Variants in GPM6B observed in about 807,000 individuals in gnomAD.
GPM6B encodes neuronal membrane glycoprotein M6-b.
GPM6B carries 4 observed loss-of-function variants against 27.2 expected under a neutral mutation model. That is an observed-to-expected ratio of 0.15 (90% CI 0.07 to 0.34). GPM6B has a LOEUF of 0.34. Ranked by LOEUF, GPM6B falls within the 10% of genes least tolerant of loss-of-function variation. GPM6B has a pLI of 1.00. For missense variants in GPM6B, 183 were observed against 261.9 expected (o/e 0.70, Z 2.08); for synonymous variants, 124 against 103.1 (o/e 1.20, Z -1.23).
chrX:13,930,613 C>CAA (rs143684071), intron 1 of GPM6B, among the ~76,000 whole-genome samples: 78 of 78,692 alleles, frequency 9.9e-4, no homozygotes, highest in Admixed American at 3.8e-3. Flanking sequence ...GACTCCGTCT[C>CAA]AAAAAAAAAA....
chrX:13,774,299 G>T, intron 7 of GPM6B: 1 of 919,929 alleles, frequency 1.1e-6, no homozygotes, highest in Non-Finnish European at 1.4e-6. Context: ...ATTTTAAAAA[G>T]GATGCTCACC....
At chrX:13,773,541 A>T (rs2048343247) in intron 7 of GPM6B, 2 of 111,955 alleles carry the variant, frequency 1.8e-5, no homozygotes, top group African/African-American at 6.5e-5. Context: ...CAAAACCAAA[A>T]TTAAGAACTA....
intron 1 of GPM6B, among the ~76,000 whole-genome samples, chrX:13,831,883 G>A (rs936093012): frequency 3.6e-5 from 4 of 110,933 alleles, no homozygotes; most frequent in African/African-American, 1.3e-4. Flanking sequence ...GCTTGGAGAT[G>A]TATTTTAGAA....
rs781734402 is a variant in GPM6B, at chrX:13,849,541, T to C, written c.-197-63733A>G. ...ATAATCAGCTCCAGGCTGGATACCA[T>C]TGATTACTCTGGATTACACTAACAG... is the stretch of plus-strand genomic sequence containing the variant. On this transcript the variant is annotated intron_variant, in intron 1 of 6. Transcript: ENST00000398361. Among the ~76,000 whole-genome samples the C allele has an allele frequency of 4.4e-5, 5 of 112,567 alleles. No homozygotes were observed. The South Asian group carries it at 1.5e-3, about 33-fold the overall frequency.
intron 1 of GPM6B, among the ~76,000 whole-genome samples, chrX:13,907,576 A>G (rs1269742019): frequency 9.0e-6 from 1 of 111,309 alleles, no homozygotes; most frequent in East Asian, 2.8e-4. Flanking sequence ...CCAGTGAGGC[A>G]GGAGAATCAC....
At chrX:13,809,952 GAAAAA>G (rs113730315) in intron 1 of GPM6B, among the ~76,000 whole-genome samples, 1 of 80,234 alleles carries the variant, frequency 1.2e-5, no homozygotes, top group Non-Finnish European at 2.3e-5. Context: ...TCCATCTCAG[GAAAAA>G]AAAAAAAAAA....
At chrX:13,844,362 T>C (rs6633386) in intron 1 of GPM6B, among the ~76,000 whole-genome samples, 5,892 of 112,146 alleles carry the variant, frequency 0.053, 267 homozygotes, top group East Asian at 0.35. Context: ...ATGTTGATTA[T>C]GTTATTAATA....
intron 1 of GPM6B, among the ~76,000 whole-genome samples, chrX:13,837,442 T>C (rs753696199): frequency 1.8e-5 from 2 of 110,969 alleles, no homozygotes; most frequent in African/African-American, 3.3e-5. Flanking sequence ...AACAGACCCA[T>C]GAGAACCCAC....
chrX:13,816,505 C>T (rs1426866880), intron 1 of GPM6B, among the ~76,000 whole-genome samples: 1 of 111,445 alleles, frequency 9.0e-6, no homozygotes, highest in Non-Finnish European at 1.9e-5. Context: ...ATTCCACGTT[C>T]CTGGAATATA....
intron 1 of GPM6B, among the ~76,000 whole-genome samples, chrX:13,871,099 CAAAACAAAACAAAACAA>C (rs1007065272): frequency 8.2e-5 from 3 of 36,577 alleles, no homozygotes; most frequent in African/African-American, 1.8e-4. Flanking sequence ...CAAAACAAAA[CAAAACAAAACAAAACAA>C]AAAAAAAAGA....
At chrX:13,865,063 G>T (rs2049893944) in intron 1 of GPM6B, among the ~76,000 whole-genome samples, 1 of 111,454 alleles carries the variant, frequency 9.0e-6, no homozygotes, top group Non-Finnish European at 1.9e-5. Flanking sequence ...TACCTATTTT[G>T]GACCACTGTT....
At chrX:13,851,840 TA>T (rs2049721676) in intron 1 of GPM6B, among the ~76,000 whole-genome samples, 1 of 111,476 alleles carries the variant, frequency 9.0e-6, no homozygotes, top group African/African-American at 3.3e-5. Flanking sequence ...CATTGCTTCT[TA>T]AAATTTCTCT....
intron 4 of GPM6B, 117 bp from the exon 5 acceptor site, chrX:13,780,106 A>G: frequency 1.8e-6 from 1 of 558,085 alleles, no homozygotes. Context: ...CATTGTGGGG[A>G]CCCTCGCCCC....
At chrX:13,933,516 G>A (rs368093179) in intron 1 of GPM6B, among the ~76,000 whole-genome samples, 46 of 111,902 alleles carry the variant, frequency 4.1e-4, no homozygotes, top group Middle Eastern at 9.2e-3. Context: ...AAGAGTCAGT[G>A]GTGTTTGTTC....
In GPM6B at chrX:13,816,892, T is replaced by C; in HGVS notation, c.13A>G (p.Met5Val). Residue 5 changes from methionine (M) to valine (V), a missense_variant, in exon 1 of 8, where the codon ATG becomes GTG. Coordinates refer to ENST00000316715, the MANE Select transcript of GPM6B (RefSeq NM_001001995.3). ...GTATTTTCCTCGGCTGCAGTTTCCA[T>C]GGCTGGCTTCATACCATCCACCAAA... MKPA[M>V]ETAAEENTEQ... 8.3e-7 allele frequency: 1 copy of C among 1,207,613 alleles called. No individual in the cohort carries two copies.
chrX:13,888,071 T>A (rs184040278), intron 1 of GPM6B, among the ~76,000 whole-genome samples: 42 of 112,278 alleles, frequency 3.7e-4, no homozygotes, highest in African/African-American at 1.3e-3. Flanking sequence ...AATTAGATGA[T>A]CCCTAAAGAC....
intron 1 of GPM6B, among the ~76,000 whole-genome samples, chrX:13,852,392 TA>T (rs1352491735): frequency 6.3e-5 from 7 of 111,283 alleles, no homozygotes; most frequent in Non-Finnish European, 1.3e-4. Context: ...CATTTTCAAT[TA>T]AAAAAAACTT....
At chrX:13,922,560 G>A (rs1475234839) in intron 1 of GPM6B, among the ~76,000 whole-genome samples, 2 of 112,064 alleles carry the variant, frequency 1.8e-5, no homozygotes, top group Admixed American at 9.4e-5. Context: ...CAACCAGGTC[G>A]ACCTTTTGAA....
At chrX:13,931,895 T>G (rs1366839260) in intron 1 of GPM6B, among the ~76,000 whole-genome samples, 1 of 111,962 alleles carries the variant, frequency 8.9e-6, no homozygotes, top group African/African-American at 3.2e-5. Context: ...CCTAATCCCT[T>G]CCACCCTTCT....
Sources: gnomAD v4.1 joint callset for allele counts (sites outside exome capture counted in the v4.1 genomes callset) on GRCh38, gnomAD v4.1.1 for gene constraint, MANE v1.5 for transcripts, NCBI Gene and HGNC (gene_info 2026-07-23, HGNC 2026-07-21) for gene names.